The following THAP4 variants were observed in gnomAD, a reference collection of about 807,000 sequenced individuals.
THAP4 encodes the protein peroxynitrite isomerase THAP4.
Under a neutral mutation model 48.1 loss-of-function variants are expected in THAP4, and 18 were observed. That is an observed-to-expected ratio of 0.37 (90% CI 0.26 to 0.56). THAP4 has a LOEUF of 0.56. THAP4 is among the 20% of genes least tolerant of loss of function. The pLI, the probability that THAP4 is intolerant of heterozygous loss-of-function variation, is 0.78. For missense variants in THAP4, 656 were observed against 774.9 expected (o/e 0.85, Z 1.82); for synonymous variants, 345 against 324.9 (o/e 1.06, Z -0.66).
At chr2:241,598,201 G>A (rs989646427) in intron 5 of THAP4, among the ~76,000 whole-genome samples, 38 of 152,158 alleles carry the variant, frequency 2.5e-4, no homozygotes, top group Middle Eastern at 3.2e-3. Context: ...AAGTAAGAAC[G>A]TGGAGAGACA....
intron 5 of THAP4, among the ~76,000 whole-genome samples, chr2:241,599,207 G>A (rs184069507): frequency 1.1e-4 from 17 of 151,380 alleles, no homozygotes; most frequent in Non-Finnish European, 1.8e-4. Context: ...AGCTGAGATC[G>A]TGCCACTGCA....
Position 241,598,932 on chromosome 2 carries a change from A to G in THAP4, c.1614+2964T>C, listed in dbSNP as rs984408938. Among the ~76,000 whole-genome samples, 3 of 152,102 alleles carry G rather than the reference A, an allele frequency of 2.0e-5. No individual in the cohort carries two copies. In the East Asian group the frequency reaches 5.8e-4, roughly 29 times the overall value. On this transcript the variant is annotated intron_variant, in intron 5 of 5. Transcript: ENST00000407315. Reference sequence around the variant, plus strand: ...GATACGCACCTGCACTGGAAAAAAAAAAAAGTAGAAAAATTTTACAACTAA... The same window carrying G: ...GATACGCACCTGCACTGGAAAAAAAGAAAAGTAGAAAAATTTTACAACTAA...
At chr2:241,591,072 G>A (rs2066969799) in intron 5 of THAP4, among the ~76,000 whole-genome samples, 1 of 151,500 alleles carries the variant, frequency 6.6e-6, no homozygotes, top group African/African-American at 2.4e-5. Flanking sequence ...AGAGCTGCTC[G>A]GCTGATGATG....
At chr2:241,602,446 C>T in intron 4 of THAP4, among the ~76,000 whole-genome samples, 1 of 151,860 alleles carries the variant, frequency 6.6e-6, no homozygotes, top group Admixed American at 6.6e-5. Flanking sequence ...CTCACCGCAA[C>T]CTCTGCCTCC....
chr2:241,598,291 G>A (rs4072904), intron 5 of THAP4, among the ~76,000 whole-genome samples: 50,406 of 151,958 alleles, frequency 0.33, 8,724 homozygotes, highest in South Asian at 0.45. Context: ...CAACTCCCAC[G>A]GGGCCACCCT....
intron 5 of THAP4, among the ~76,000 whole-genome samples, chr2:241,595,018 T>G (rs945867363): frequency 2.0e-5 from 3 of 152,162 alleles, no homozygotes; most frequent in African/African-American, 7.2e-5. Flanking sequence ...GAAGATCTTT[T>G]TTTTTCTTTT....
At position 241,614,407 on chromosome 2, in the gene THAP4, C is replaced by T. The variant is rs113707314; in HGVS notation, c.1241-7934G>A. ...GACGTAACCGTGAGGGATACTCATG[C>T]ACCAAGCACAGCAACATCTATAAAG... On this transcript the variant is annotated intron_variant, in intron 2 of 5. Transcript: ENST00000407315. Among the ~76,000 whole-genome samples, 1,470 of 152,316 alleles carry T rather than the reference C, an allele frequency of 9.7e-3. 21 individuals are homozygous for T. Among genetic ancestry groups the T allele is most frequent in the African/African-American group, 0.034 (1,404 of 41,570 alleles).
intron 5 of THAP4, among the ~76,000 whole-genome samples, chr2:241,591,611 G>A (rs948976524): frequency 6.6e-6 from 1 of 152,178 alleles, no homozygotes; most frequent in Non-Finnish European, 1.5e-5. Flanking sequence ...GGGGGCAGTT[G>A]CATGGGTGAA....
chr2:241,621,360 A>G (rs2067427295), intron 2 of THAP4, among the ~76,000 whole-genome samples: 1 of 152,190 alleles, frequency 6.6e-6, no homozygotes, highest in East Asian at 1.9e-4. Flanking sequence ...AATAATAGTA[A>G]TAATAATAAA....
intron 2 of THAP4, among the ~76,000 whole-genome samples, chr2:241,609,506 G>A (rs1026817684): frequency 6.6e-6 from 1 of 152,184 alleles, no homozygotes; most frequent in African/African-American, 2.4e-5. Context: ...GCTTTGGGCC[G>A]GGCGCAATGG....
At chr2:241,587,276 TC>T (rs1401658912) in intron 5 of THAP4, among the ~76,000 whole-genome samples, 1 of 152,204 alleles carries the variant, frequency 6.6e-6, no homozygotes, top group African/African-American at 2.4e-5. Flanking sequence ...GGCGAATATG[TC>T]CATCTGTTTG....
chr2:241,637,490 C>A, upstream of THAP4: 1 of 1,449,128 alleles, frequency 6.9e-7, no homozygotes, highest in Non-Finnish European at 9.0e-7. Flanking sequence ...AACCAGCCGT[C>A]GTCCCACGAC....
At chr2:241,613,324 A>G (rs1032657142) in intron 2 of THAP4, among the ~76,000 whole-genome samples, 2 of 151,872 alleles carry the variant, frequency 1.3e-5, no homozygotes, top group Non-Finnish European at 2.9e-5. Flanking sequence ...AACTGGTTAT[A>G]GGTGGTAGAT....
intron 2 of THAP4, among the ~76,000 whole-genome samples, chr2:241,615,761 T>C (rs1375250087): frequency 6.6e-6 from 1 of 152,166 alleles, no homozygotes; most frequent in Non-Finnish European, 1.5e-5. Context: ...CCACCTCTCC[T>C]CTTCACTCCT....
intron 5 of THAP4, among the ~76,000 whole-genome samples, chr2:241,589,858 G>A (rs367670337): frequency 2.6e-4 from 40 of 152,244 alleles, no homozygotes; most frequent in African/African-American, 9.4e-4. Context: ...AAGCAGACGT[G>A]GCACATGCAG....
chr2:241,633,125 T>C lies in THAP4; in HGVS notation c.1032A>G (p.Ser344=). 1 of 1,612,358 alleles carries C rather than the reference T, an allele frequency of 6.2e-7. No individual in the cohort carries two copies. Among genetic ancestry groups the C allele is most frequent in the Non-Finnish European group, 8.5e-7 (1 of 1,179,176 alleles). The stretch of plus-strand genomic sequence containing the variant: ...GGGAGGAGAAGCAGTAGGAGTGCAG[T>C]GAGTCGATGAGCTTGCAGGCCCCTG... ...SASGACKLID[S]LHSYCFSSRQ... The change falls in exon 2 of 6, where the codon TCA becomes TCG. Residue 344 remains serine, a synonymous_variant. Transcript: ENST00000407315. The surrounding 1 kb of genome is among the most constrained non-coding windows in gnomAD (Gnocchi z 7.5).
chr2:241,615,970 G>A (rs138538251), intron 2 of THAP4, among the ~76,000 whole-genome samples: 1 of 152,190 alleles, frequency 6.6e-6, no homozygotes, highest in Non-Finnish European at 1.5e-5. Context: ...AAGCAAGGAG[G>A]GCGCCCATGG....
At chr2:241,620,603 GTGAGTGAGGGA>G (rs1659599006) in intron 2 of THAP4, among the ~76,000 whole-genome samples, 2 of 147,296 alleles carry the variant, frequency 1.4e-5, no homozygotes, top group Non-Finnish European at 3.0e-5. Context: ...GAGTGAGTCA[GTGAGTGAGGGA>G]TGAGTGAGGG....
chr2:241,595,925 C>T (rs1359838225), intron 5 of THAP4, among the ~76,000 whole-genome samples: 2 of 152,192 alleles, frequency 1.3e-5, no homozygotes. Context: ...TGGGACATTT[C>T]ACTCCTGTCG....
Sources: gnomAD v4.1 joint callset for allele counts (sites outside exome capture counted in the v4.1 genomes callset) on GRCh38, gnomAD v4.1.1 for gene constraint, Gnocchi (gnomAD v3.1) non-coding constraint, MANE v1.5 for transcripts, NCBI Gene and HGNC (gene_info 2026-07-23, HGNC 2026-07-21) for gene names.